ANKFN1: variants seen among roughly 807,000 people sequenced by gnomAD.
ANKFN1 encodes the protein ankyrin repeat and fibronectin type-III domain-containing protein 1.
Under a neutral mutation model 108.7 loss-of-function variants are expected in ANKFN1, and 74 were observed. The ratio of observed to expected loss-of-function variants is 0.68; its 90% confidence interval spans 0.56 to 0.83. The LOEUF is 0.83. Ranked by LOEUF, ANKFN1 falls within the 40% of genes least tolerant of loss-of-function variation. ANKFN1 has a pLI of 0.00. For synonymous variants in ANKFN1, 547 were observed against 516.2 expected, an observed-to-expected ratio of 1.06 and a Z score of -0.81; for missense variants, 1,505 against 1,382.3, an observed-to-expected ratio of 1.09 and a Z score of -1.41.
intron 3 of ANKFN1, among the ~76,000 whole-genome samples, chr17:56,295,206 T>C (rs1463301708): frequency 6.6e-6 from 1 of 152,220 alleles, no homozygotes; most frequent in African/African-American, 2.4e-5. Context: ...CGGTTTGAAG[T>C]GGGCCCAATT....
chr17:56,474,110 A>G (rs1182463631), intron 15 of ANKFN1, among the ~76,000 whole-genome samples: 1 of 152,162 alleles, frequency 6.6e-6, no homozygotes, highest in Non-Finnish European at 1.5e-5. Context: ...CAAATTTGGG[A>G]CCCACAAATT....
At chr17:56,385,850 G>A (rs961069272) in intron 8 of ANKFN1, among the ~76,000 whole-genome samples, 34 of 152,138 alleles carry the variant, frequency 2.2e-4, no homozygotes, top group Non-Finnish European at 4.4e-4. Context: ...TGGAGAAACA[G>A]GAACACTTTT....
chr17:56,457,969 C>T lies in ANKFN1; in HGVS notation c.1547C>T (p.Ala516Val). The change falls in exon 14 of 21, where the codon GCA (alanine) becomes GTA (valine). Residue 516 changes from alanine to valine, a missense_variant. Physicochemically the swap from Ala to Val is moderately conservative, Grantham distance 64. Coordinates refer to ENST00000682825, the MANE Select transcript of ANKFN1 (RefSeq NM_001370326.1). ...QTRQKMLAAT[A>V]QLQNLLGTHN... ...CGGCAGAAGATGCTCGCAGCAACAG[C>T]ACAGCTACAGGTAAGGGACCAGGTT... 1.2e-6 allele frequency: 2 copies of T among 1,613,668 alleles called. No individual in the cohort carries two copies. The highest frequency in any genetic ancestry group is 4.5e-5 in the East Asian group (2 of 44,870).
intron 8 of ANKFN1, among the ~76,000 whole-genome samples, chr17:56,395,996 A>G (rs557781847): frequency 1.3e-5 from 2 of 152,320 alleles, no homozygotes; most frequent in African/African-American, 4.8e-5. Flanking sequence ...AATGAATAAA[A>G]TGACATCACT....
At chr17:56,246,668 C>T (rs1191892057) in intron 3 of ANKFN1, among the ~76,000 whole-genome samples, 1 of 151,680 alleles carries the variant, frequency 6.6e-6, no homozygotes, top group African/African-American at 2.4e-5. Context: ...TTTGATTTGG[C>T]TGATGTCATA....
rs144174651 is a variant in ANKFN1 at position 56,482,650 on chromosome 17, C to G, written c.2260+126C>G. ...ATCACATGATGGCTTTGGCAACAAC[C>G]CTTCCTAGAACTGTGTACAAGTCTG... On this transcript the variant is annotated intron_variant, in intron 18 of 20. Coordinates refer to ENST00000682825, the MANE Select transcript of ANKFN1 (RefSeq NM_001370326.1). 62 of 1,192,800 alleles carry G rather than the reference C, an allele frequency of 5.2e-5. No individual in the cohort carries two copies. The African/African-American group carries it at 7.7e-4, about 15-fold the overall frequency. The allele number at this position is 1,192,800 out of a possible 1,614,324, so 73.9% of individuals were successfully genotyped here.
rs530319838 is a variant in ANKFN1, at chr17:56,107,117, T to C, written c.288+60792T>C. On this transcript the variant is annotated intron_variant, in intron 4 of 12. Coordinates refer to the ANKFN1 transcript ENST00000635860. ...TTTCTGGATGAACTTTGGTGGATGT[T>C]GGTTTCCTCTCACCACAGAAGCCAT... 3.9e-5 allele frequency among the ~76,000 whole-genome samples: 6 copies of C among 152,236 alleles called. 1 individual carries two copies. In the South Asian group the frequency reaches 1.2e-3, roughly 32 times the overall value.
chr17:56,508,938 T>G (rs115481574), intron 20 of ANKFN1, among the ~76,000 whole-genome samples: 3,478 of 152,280 alleles, frequency 0.023, 127 homozygotes, highest in African/African-American at 0.079. Context: ...AATGGATGAA[T>G]TAAATATCTC....
At chr17:56,390,254 G>A (rs1026690513) in intron 8 of ANKFN1, among the ~76,000 whole-genome samples, 2 of 151,484 alleles carry the variant, frequency 1.3e-5, no homozygotes, top group Non-Finnish European at 2.9e-5. Context: ...GTGTCCATGT[G>A]TTCTAATTGT....
At chr17:56,149,170 G>A (rs1567804818), upstream of ANKFN1, among the ~76,000 whole-genome samples, 1 of 152,168 alleles carries the variant, frequency 6.6e-6, no homozygotes, top group East Asian at 1.9e-4. Flanking sequence ...TCATGTTTGT[G>A]TATTTTAATT....
intron 19 of ANKFN1, among the ~76,000 whole-genome samples, chr17:56,497,085 T>C (rs1463356682): frequency 6.6e-6 from 1 of 152,152 alleles, no homozygotes; most frequent in Non-Finnish European, 1.5e-5. Flanking sequence ...CTCTAAAAGC[T>C]ATCCACAGTC....
At chr17:56,239,103 T>C (rs570223818) in intron 3 of ANKFN1, among the ~76,000 whole-genome samples, 1 of 152,298 alleles carries the variant, frequency 6.6e-6, no homozygotes, top group South Asian at 2.1e-4. Context: ...TTCTATCTTT[T>C]CTAAATAATT....
chr17:56,168,426 T>C (rs748003726), intron 1 of ANKFN1, among the ~76,000 whole-genome samples: 2 of 152,224 alleles, frequency 1.3e-5, no homozygotes, highest in Non-Finnish European at 2.9e-5. Flanking sequence ...AAGTTGTATA[T>C]GTATTTATTA....
rs147696183 is a variant in ANKFN1, at chr17:56,373,009, G to A, written c.796+169G>A. Among the ~76,000 whole-genome samples, 9 of 152,144 alleles carry A rather than the reference G, an allele frequency of 5.9e-5. No individual in the cohort carries two copies. The East Asian group carries it at 1.7e-3, about 29-fold the overall frequency. On this transcript the variant is annotated intron_variant, in intron 7 of 20. Transcript: ENST00000682825. ...AGGCTGTCAAAGGGTCTTTTATCTT[G>A]CTTGAGTTTCTGGCTCCTGATGGGT... is the stretch of plus-strand genomic sequence containing the variant.
chr17:56,169,737 G>A (rs752461794), intron 1 of ANKFN1, among the ~76,000 whole-genome samples: 1 of 152,176 alleles, frequency 6.6e-6, no homozygotes, highest in Non-Finnish European at 1.5e-5. Flanking sequence ...GCCATCCTGA[G>A]GGCTTAGTGT....
chr17:56,336,133 A>G (rs2045802554), intron 4 of ANKFN1, among the ~76,000 whole-genome samples: 1 of 151,946 alleles, frequency 6.6e-6, no homozygotes, highest in African/African-American at 2.4e-5. Flanking sequence ...TTTATTGAGG[A>G]TTTTCGCATC....
rs972588707 is a variant in ANKFN1 at position 56,051,951 on chromosome 17, T to A, written c.288+5626T>A. On this transcript the variant is annotated intron_variant, in intron 4 of 12. Coordinates refer to the ANKFN1 transcript ENST00000635860. ...AAACAAATGGAAGAACATTCCATGCTCATGGGTAGGAAGAATCAATATCGT... is the reference window on the plus strand; with the variant it reads ...AAACAAATGGAAGAACATTCCATGCACATGGGTAGGAAGAATCAATATCGT... Among the ~76,000 whole-genome samples, 22 of 148,138 alleles carry A rather than the reference T, an allele frequency of 1.5e-4. No individual in the cohort carries two copies. The South Asian group carries it at 1.6e-3, about 11-fold the overall frequency.
intron 4 of ANKFN1, among the ~76,000 whole-genome samples, chr17:56,103,760 A>G (rs1234201449): frequency 1.3e-5 from 2 of 152,224 alleles, no homozygotes; most frequent in African/African-American, 2.4e-5. Flanking sequence ...AGCTGCCTCA[A>G]ATAAAACAAA....
intron 4 of ANKFN1, among the ~76,000 whole-genome samples, chr17:56,328,522 G>C (rs2045581303): frequency 6.6e-6 from 1 of 152,062 alleles, no homozygotes; most frequent in African/African-American, 2.4e-5. Flanking sequence ...CAAAGGATGT[G>C]GAATTAGTAT....
Sources: gnomAD v4.1 joint callset for allele counts (sites outside exome capture counted in the v4.1 genomes callset) on GRCh38, gnomAD v4.1.1 for gene constraint, MANE v1.5 for transcripts, NCBI Gene and HGNC (gene_info 2026-07-23, HGNC 2026-07-21) for gene names.